Variants in RYR3 observed in about 807,000 individuals in gnomAD.
RYR3 encodes the protein ryanodine receptor 3.
RYR3 carries 207 observed loss-of-function variants against 584.3 expected under a neutral mutation model. The ratio of observed to expected loss-of-function variants is 0.35; its 90% CI spans 0.32 to 0.40. RYR3 has a LOEUF of 0.40. RYR3 is among the 10% of genes least tolerant of loss of function. RYR3 has a pLI of 1.00. For synonymous variants in RYR3, 2,416 were observed against 2,248.5 expected (o/e 1.07, Z -2.11); for missense variants, 5,616 against 6,089.2 (o/e 0.92, Z 2.59).
intron 72 of RYR3, 60 bp downstream of exon 72, chr15:33,811,097 C>T: frequency 2.9e-6 from 4 of 1,373,266 alleles, no homozygotes; most frequent in Non-Finnish European, 4.1e-6. Flanking sequence ...TGCAGGGTTC[C>T]AGCTTTTCAC....
In RYR3 at chr15:33,631,336, A is replaced by G. The variant is rs189154560; in HGVS notation, c.2867+43A>G. ...TAATGGTTCAAGACTTTAATGCTTC[A>G]GCCTGGATTTTTAATCCAGGAGGGT... On this transcript the variant is annotated intron_variant, in intron 23 of 103. Coordinates refer to ENST00000634891, the MANE Select transcript of RYR3 (RefSeq NM_001036.6). 4.5e-4 allele frequency: 588 copies of G among 1,320,356 alleles called. 3 individuals carry two copies. The African/African-American group carries it at 7.6e-3, about 17-fold the overall frequency. The allele number at this position is 1,320,356 out of a possible 1,614,324, so 81.8% of individuals were successfully genotyped here.
At chr15:33,498,282 A>G (rs1419568674) in intron 2 of RYR3, among the ~76,000 whole-genome samples, 1 of 152,164 alleles carries the variant, frequency 6.6e-6, no homozygotes, top group Non-Finnish European at 1.5e-5. Flanking sequence ...CATAATAGCT[A>G]TACTAATTTA....
chr15:33,496,537 A>G (rs2051442878), intron 2 of RYR3, among the ~76,000 whole-genome samples: 1 of 152,186 alleles, frequency 6.6e-6, no homozygotes, highest in Non-Finnish European at 1.5e-5. Flanking sequence ...AGATGAGAGA[A>G]AAAGCAAAGG....
At chr15:33,854,615 G>C (rs1419635056) in intron 97 of RYR3, 151 bp from the exon 98 acceptor site, 12 of 1,107,092 alleles carry the variant, frequency 1.1e-5, no homozygotes, top group Non-Finnish European at 1.6e-5. Flanking sequence ...GGTAGATGGG[G>C]CTCACTTAGC....
At chr15:33,502,391 C>T (rs1326985855) in intron 2 of RYR3, among the ~76,000 whole-genome samples, 1 of 152,200 alleles carries the variant, frequency 6.6e-6, no homozygotes, top group Non-Finnish European at 1.5e-5. Context: ...TCCATGGAAA[C>T]AGCTTTACCT....
intron 12 of RYR3, among the ~76,000 whole-genome samples, chr15:33,568,889 G>A (rs1249954785): frequency 1.3e-5 from 2 of 152,184 alleles, no homozygotes; most frequent in Non-Finnish European, 2.9e-5. Flanking sequence ...TCTGCTTTCT[G>A]TCTCAATTTA....
At chr15:33,738,668 T>C in intron 50 of RYR3, 78 bp downstream of exon 50, 1 of 1,511,488 alleles carries the variant, frequency 6.6e-7, no homozygotes, top group Non-Finnish European at 9.1e-7. Flanking sequence ...CCGTCATCTG[T>C]TTAGCATTCC....
At chr15:33,784,184 T>G (rs1167216793) in intron 65 of RYR3, among the ~76,000 whole-genome samples, 2 of 152,230 alleles carry the variant, frequency 1.3e-5, no homozygotes, top group African/African-American at 4.8e-5. Flanking sequence ...ATTCATTCTC[T>G]CCAAGATAGC....
intron 38 of RYR3, among the ~76,000 whole-genome samples, chr15:33,674,518 T>C (rs911849504): frequency 6.6e-6 from 1 of 152,212 alleles, no homozygotes; most frequent in Non-Finnish European, 1.5e-5. Flanking sequence ...GAACATGTCG[T>C]ACTTGTTTCC....
intron 1 of RYR3, among the ~76,000 whole-genome samples, chr15:33,435,568 T>G (rs181557372): frequency 6.6e-6 from 1 of 152,354 alleles, no homozygotes; most frequent in Admixed American, 6.5e-5. Context: ...ATGGGTCAAA[T>G]GGGCTATATG....
intron 102 of RYR3, among the ~76,000 whole-genome samples, chr15:33,861,492 T>A (rs1010493800): frequency 2.6e-5 from 4 of 151,644 alleles, no homozygotes; most frequent in Non-Finnish European, 4.4e-5. Context: ...TTTTTTTTTT[T>A]AATCCTAAAC....
At chr15:33,538,614 C>A (rs12909992) in intron 5 of RYR3, among the ~76,000 whole-genome samples, 131,570 of 152,104 alleles carry the variant, frequency 0.86, 57,517 homozygotes, top group Middle Eastern at 0.98. Flanking sequence ...CAGGGAAAGG[C>A]ATCAGGGATT....
At chr15:33,595,295 G>A (rs1241809437) in intron 16 of RYR3, among the ~76,000 whole-genome samples, 2 of 152,064 alleles carry the variant, frequency 1.3e-5, no homozygotes, top group African/African-American at 2.4e-5. Context: ...AGTCAATTAC[G>A]TTTGCTTTCA....
chr15:33,653,362 C>T (rs2062608690), intron 32 of RYR3, among the ~76,000 whole-genome samples: 1 of 152,172 alleles, frequency 6.6e-6, no homozygotes, highest in Non-Finnish European at 1.5e-5. Flanking sequence ...ATGACTACCT[C>T]ATAAGATGCT....
chr15:33,860,982 GT>G, intron 101 of RYR3, 95 bp from the exon 102 acceptor site: 1 of 1,010,712 alleles, frequency 9.9e-7, no homozygotes. Context: ...TAGAAAGAAA[GT>G]TTTCATTATC....
chr15:33,464,062 A>G (rs1305962909), intron 1 of RYR3, among the ~76,000 whole-genome samples: 1 of 152,160 alleles, frequency 6.6e-6, no homozygotes, highest in Admixed American at 6.5e-5. Context: ...GCACTGTTTC[A>G]GGCATTGAAT....
intron 3 of RYR3, among the ~76,000 whole-genome samples, chr15:33,518,944 CT>C (rs2053754597): frequency 6.6e-6 from 1 of 152,204 alleles, no homozygotes; most frequent in South Asian, 2.1e-4. Context: ...TTCTGGGGGT[CT>C]GCAAAGCACA....
intron 67 of RYR3, among the ~76,000 whole-genome samples, chr15:33,790,534 A>T (rs2075091982): frequency 6.6e-6 from 1 of 152,208 alleles, no homozygotes. Context: ...CTGTGGATAC[A>T]TCAGATTTGG....
intron 69 of RYR3, among the ~76,000 whole-genome samples, chr15:33,807,243 A>G (rs2076258796): frequency 6.6e-6 from 1 of 152,114 alleles, no homozygotes; most frequent in African/African-American, 2.4e-5. Context: ...AGTTCTGGCC[A>G]CCCACAAGAA....
Sources: gnomAD v4.1 joint callset for allele counts (sites outside exome capture counted in the v4.1 genomes callset) on GRCh38, gnomAD v4.1.1 for gene constraint, MANE v1.5 for transcripts, NCBI Gene and HGNC (gene_info 2026-07-23, HGNC 2026-07-21) for gene names.